Variants in TRPC4 observed in about 807,000 individuals in gnomAD.
TRPC4 encodes transient receptor potential cation channel subfamily C member 4, also known as short transient receptor potential channel 4.
In TRPC4, 49 loss-of-function variants were observed where a neutral mutation model predicts 99.4. The ratio of observed to expected loss-of-function variants is 0.49; its 90% CI spans 0.39 to 0.63. The LOEUF (loss-of-function observed/expected upper bound fraction) is 0.63, where lower values mean the gene tolerates loss of function less well. Ranked by LOEUF, TRPC4 falls within the 20% of genes least tolerant of loss-of-function variation. TRPC4 has a pLI of 0.00. For missense variants in TRPC4, 898 were observed against 1,152.9 expected, an observed-to-expected ratio of 0.78 and a Z score of 3.20; for synonymous variants, 454 against 425.9, an observed-to-expected ratio of 1.07 and a Z score of -0.81.
rs749151729 is a variant in TRPC4 at position 37,746,290 on chromosome 13, C to T, written c.544G>A (p.Val182Met). 2.5e-6 allele frequency: 4 copies of T among 1,613,824 alleles called. No homozygotes were observed. Among genetic ancestry groups the T allele is most frequent in the Admixed American group, 1.7e-5 (1 of 59,984 alleles). ...HEVRCNCVEC[V>M]SSSDVDSLRH... ...AGGCTGTCCACATCTGAACTGGACA[C>T]GCATTCCACACAGTTACAGCGGACC... Residue 182 changes from valine (V) to methionine (M), a missense_variant, in exon 3 of 11, where the codon GTG becomes ATG. Val to Met is a conservative substitution (Grantham distance 21, BLOSUM62 1). Around this residue, in one of 3 missense-constraint regions of TRPC4, gnomAD observed 278 missense variants for 346.6 expected, o/e 0.80. Transcript: ENST00000379705.
intron 1 of TRPC4, among the ~76,000 whole-genome samples, chr13:37,849,441 G>A (rs1958999216): frequency 6.6e-6 from 1 of 152,076 alleles, no homozygotes; most frequent in South Asian, 2.1e-4. Context: ...GTAGTGTTGA[G>A]GAACAAAGTC....
At chr13:37,687,530 C>T (rs530930027) in intron 4 of TRPC4, among the ~76,000 whole-genome samples, 2 of 152,116 alleles carry the variant, frequency 1.3e-5, no homozygotes, top group East Asian at 1.9e-4. Context: ...GAAACAAATG[C>T]CTCTCTTTGA....
At chr13:37,649,911 C>T (rs903855943) in intron 8 of TRPC4, among the ~76,000 whole-genome samples, 3 of 152,142 alleles carry the variant, frequency 2.0e-5, no homozygotes, top group African/African-American at 7.2e-5. Flanking sequence ...TTGTTGTAAT[C>T]TGACTTTGGT....
intron 1 of TRPC4, among the ~76,000 whole-genome samples, chr13:37,853,637 C>A (rs769278715): frequency 6.6e-6 from 1 of 152,044 alleles, no homozygotes; most frequent in South Asian, 2.1e-4. Flanking sequence ...ATACAGAGAA[C>A]TCAAAATAGC....
chr13:37,851,093 A>G (rs187148558), intron 1 of TRPC4, among the ~76,000 whole-genome samples: 4 of 152,348 alleles, frequency 2.6e-5, no homozygotes, highest in East Asian at 3.9e-4. Context: ...GGAAGAAAAG[A>G]CCTTATTAAA....
intron 1 of TRPC4, among the ~76,000 whole-genome samples, chr13:37,814,350 G>A (rs993907724): frequency 1.4e-5 from 2 of 148,014 alleles, no homozygotes; most frequent in Non-Finnish European, 3.0e-5. Context: ...GGAAAAAAAA[G>A]GTATCAAAGT....
intron 1 of TRPC4, among the ~76,000 whole-genome samples, chr13:37,850,406 C>T (rs1959025478): frequency 6.6e-6 from 1 of 152,052 alleles, no homozygotes; most frequent in African/African-American, 2.4e-5. Context: ...TTATTTTATA[C>T]AAAATAGATT....
Position 37,782,948 on chromosome 13 carries a change from G to T in TRPC4, c.378+8C>A. 3 of 1,409,800 alleles carry T rather than the reference G, an allele frequency of 2.1e-6. No homozygotes were observed. The highest frequency in any genetic ancestry group is 9.3e-7 in the Non-Finnish European group (1 of 1,074,848). The allele number at this position is 1,409,800 out of a possible 1,614,324, so 87.3% of individuals were successfully genotyped here. A position where few individuals can be genotyped will look rare whatever the true frequency, so the allele number is the denominator to read the frequency against. ...AAAATAAATTAAAAACTGTATTTTT[G>T]CAGGTACCTGTTTTTCTCCACTAGG... On this transcript the variant is annotated splice_region_variant and intron_variant, in intron 2 of 10. Transcript: ENST00000379705.
intron 3 of TRPC4, among the ~76,000 whole-genome samples, chr13:37,704,364 A>C (rs1036552233): frequency 2.0e-5 from 3 of 152,196 alleles, no homozygotes; most frequent in African/African-American, 7.2e-5. Context: ...AGTTAATTGT[A>C]TGTCAATTTT....
In TRPC4 at chr13:37,634,685, G is replaced by A. The variant is rs1348192946; in HGVS notation, c.*2218C>T. ...GGTTATGTATAGTGTCCTTACTTTGGGAAAAAACAAAATAAAACAACAACG... is the reference window on the plus strand; with the variant it reads ...GGTTATGTATAGTGTCCTTACTTTGAGAAAAAACAAAATAAAACAACAACG... On this transcript the variant is annotated 3_prime_UTR_variant, in exon 11 of 11. Coordinates refer to ENST00000379705, the MANE Select transcript of TRPC4 (RefSeq NM_016179.4). Among the ~76,000 whole-genome samples the A allele has an allele frequency of 2.0e-5, 3 of 151,526 alleles. No homozygotes were observed. Among genetic ancestry groups the A allele is most frequent in the Admixed American group, 6.6e-5 (1 of 15,186 alleles).
At chr13:37,764,327 C>T (rs186716174) in intron 2 of TRPC4, among the ~76,000 whole-genome samples, 9 of 151,114 alleles carry the variant, frequency 6.0e-5, no homozygotes, top group African/African-American at 2.2e-4. Context: ...TATAATTATA[C>T]ATTTGTATAT....
At chr13:37,834,659 G>GATGC (rs1321062551) in intron 1 of TRPC4, among the ~76,000 whole-genome samples, 6 of 152,158 alleles carry the variant, frequency 3.9e-5, no homozygotes, top group Admixed American at 3.3e-4. Context: ...CAGTAAATGA[G>GATGC]ATGCACTCTG....
At chr13:37,772,136 C>T (rs1228628414) in intron 2 of TRPC4, among the ~76,000 whole-genome samples, 1 of 151,668 alleles carries the variant, frequency 6.6e-6, no homozygotes, top group Non-Finnish European at 1.5e-5. Flanking sequence ...TTCTCATTTC[C>T]CCTAAACTTC....
intron 1 of TRPC4, among the ~76,000 whole-genome samples, chr13:37,837,541 G>A (rs1958599850): frequency 6.6e-6 from 1 of 152,218 alleles, no homozygotes; most frequent in Non-Finnish European, 1.5e-5. Context: ...TTTCAGACTT[G>A]CATGGGGCCT....
At chr13:37,819,092 T>A (rs988779523) in intron 1 of TRPC4, among the ~76,000 whole-genome samples, 1 of 151,990 alleles carries the variant, frequency 6.6e-6, no homozygotes, top group African/African-American at 2.4e-5. Context: ...TTAATATCAC[T>A]GATCATTAGA....
intron 5 of TRPC4, among the ~76,000 whole-genome samples, chr13:37,671,201 A>AT (rs1208990155): frequency 3.9e-5 from 6 of 152,084 alleles, no homozygotes; most frequent in Admixed American, 3.9e-4. Context: ...ATCAGCCTCT[A>AT]TTTTTTCATG....
intron 3 of TRPC4, among the ~76,000 whole-genome samples, chr13:37,707,683 G>A (rs1593555480): frequency 1.3e-5 from 2 of 152,220 alleles, no homozygotes; most frequent in South Asian, 4.1e-4. Context: ...CCTATAGACA[G>A]TAATCCAGTG....
intron 3 of TRPC4, among the ~76,000 whole-genome samples, chr13:37,726,590 G>T (rs1190415890): frequency 6.6e-6 from 1 of 152,106 alleles, no homozygotes; most frequent in East Asian, 1.9e-4. Flanking sequence ...CAAAATGACA[G>T]AAGTAAGTAT....
At chr13:37,739,223 C>A (rs1448787181) in intron 3 of TRPC4, among the ~76,000 whole-genome samples, 1 of 152,060 alleles carries the variant, frequency 6.6e-6, no homozygotes, top group South Asian at 2.1e-4. Flanking sequence ...TTTGAGGGGA[C>A]ATTGGAGGAC....
Sources: gnomAD v4.1 joint callset for allele counts (sites outside exome capture counted in the v4.1 genomes callset) on GRCh38, gnomAD v4.1.1 for gene constraint, gnomAD v4.1.1 regional missense constraint, MANE v1.5 for transcripts, NCBI Gene and HGNC (gene_info 2026-07-23, HGNC 2026-07-21) for gene names.